The following ITSN1 variants were observed in gnomAD, a reference collection of about 807,000 sequenced individuals.
ITSN1 encodes the protein intersectin 1, also known as intersectin-1.
In ITSN1, 58 loss-of-function variants were observed where a neutral mutation model predicts 239.8. The observed-to-expected ratio is 0.24, with a 90% confidence interval of 0.20 to 0.30. The LOEUF is 0.30. Among genes scored for constraint, ITSN1 ranks in the 10% least tolerant of loss-of-function variants. The probability of loss-of-function intolerance (pLI) is 1.00; values close to 1 mark genes in which losing one functional copy is unlikely to be tolerated. For missense variants in ITSN1, 1,558 were observed against 2,103.3 expected, an observed-to-expected ratio of 0.74 and a Z score of 5.07; for synonymous variants, 780 against 770.8, an observed-to-expected ratio of 1.01 and a Z score of -0.20.
chr21:33,800,785 ATT>A (rs144141328), intron 19 of ITSN1, among the ~76,000 whole-genome samples: 9 of 142,186 alleles, frequency 6.3e-5, no homozygotes, highest in East Asian at 2.0e-4. Context: ...TACTCTTAAC[ATT>A]TTTTTTTTTT....
At chr21:33,717,657 G>A (rs1304525154) in intron 1 of ITSN1, among the ~76,000 whole-genome samples, 6 of 152,158 alleles carry the variant, frequency 3.9e-5, no homozygotes, top group African/African-American at 1.2e-4. Context: ...CTGGGTTCAC[G>A]CCATTCTCCT....
At chr21:33,759,898 G>A (rs960267926) in intron 8 of ITSN1, among the ~76,000 whole-genome samples, 4 of 152,000 alleles carry the variant, frequency 2.6e-5, no homozygotes, top group Non-Finnish European at 4.4e-5. Flanking sequence ...TCAGGAGTTC[G>A]AGACCAGCTT....
At chr21:33,680,946 A>G (rs574321172) in intron 1 of ITSN1, among the ~76,000 whole-genome samples, 1 of 152,354 alleles carries the variant, frequency 6.6e-6, no homozygotes, top group African/African-American at 2.4e-5. Flanking sequence ...TGTTGTGGTA[A>G]CAATCTCCAA....
chr21:33,712,682 C>T (rs1173099457), intron 1 of ITSN1, among the ~76,000 whole-genome samples: 2 of 152,130 alleles, frequency 1.3e-5, no homozygotes, highest in Non-Finnish European at 2.9e-5. Context: ...GACTGGGGCC[C>T]ACCTGTGGGG....
At chr21:33,842,529 T>TGTGA (rs1491256105) in intron 29 of ITSN1, among the ~76,000 whole-genome samples, 1 of 146,402 alleles carries the variant, frequency 6.8e-6, no homozygotes, top group African/African-American at 2.6e-5. Context: ...TGTGTGTGTG[T>TGTGA]GACAGGCAGT....
At chr21:33,658,275 C>T (rs1333375553) in intron 1 of ITSN1, among the ~76,000 whole-genome samples, 1 of 152,094 alleles carries the variant, frequency 6.6e-6, no homozygotes, top group East Asian at 1.9e-4. Flanking sequence ...AAGGGTTGGT[C>T]TTACTGTCTC....
At chr21:33,796,611 ATGGC>A (rs980081513) in intron 17 of ITSN1, among the ~76,000 whole-genome samples, 2 of 152,172 alleles carry the variant, frequency 1.3e-5, no homozygotes, top group African/African-American at 2.4e-5. Context: ...CCATGCATGT[ATGGC>A]TGTGTGACGT....
intron 22 of ITSN1, chr21:33,817,279 CG>C: frequency 7.7e-7 from 1 of 1,304,394 alleles, no homozygotes; most frequent in Non-Finnish European, 1.0e-6. Context: ...CATGCAGCCC[CG>C]GATTGTGCTT....
intron 20 of ITSN1, 161 bp from the exon 21 acceptor site, chr21:33,810,814 C>T (rs897331967): frequency 2.3e-6 from 2 of 853,112 alleles, no homozygotes; most frequent in Admixed American, 1.8e-5. Flanking sequence ...TTCAGCATTA[C>T]TGCTTAGACT....
At chr21:33,862,031 C>T (rs187706347) in intron 31 of ITSN1, among the ~76,000 whole-genome samples, 12 of 136,086 alleles carry the variant, frequency 8.8e-5, no homozygotes, top group South Asian at 4.9e-4. Context: ...TGCGTGGTGG[C>T]GCATGCCTGT....
intron 8 of ITSN1, among the ~76,000 whole-genome samples, chr21:33,756,481 CTT>C (rs761748205): frequency 4.6e-5 from 7 of 151,930 alleles, no homozygotes; most frequent in Non-Finnish European, 1.0e-4. Context: ...ATCCAAAACA[CTT>C]TTAAGAAATG....
chr21:33,692,770 C>G (rs2091605599), intron 1 of ITSN1, among the ~76,000 whole-genome samples: 2 of 151,740 alleles, frequency 1.3e-5, no homozygotes, highest in African/African-American at 4.8e-5. Flanking sequence ...TGTCAGTAAT[C>G]TATTTCTTTT....
chr21:33,720,975 C>T (rs567682377), intron 2 of ITSN1, among the ~76,000 whole-genome samples: 22 of 152,314 alleles, frequency 1.4e-4, no homozygotes, highest in Middle Eastern at 6.8e-3. Context: ...CCCATTCTCT[C>T]TCTTTCTGTT....
In ITSN1 at chr21:33,700,147, G is replaced by A. The variant is rs148617832; in HGVS notation, c.-32-18650G>A. On this transcript the variant is annotated intron_variant, in intron 1 of 39. Coordinates refer to ENST00000381318, the MANE Select transcript of ITSN1 (RefSeq NM_003024.3). ...TGCCCAGGCTGGAGTGCAGTGGCAC[G>A]ATCTCAGCTCACTGCAACCTAAACC... is the stretch of plus-strand genomic sequence containing the variant. Among the ~76,000 whole-genome samples, 1,286 of 151,300 alleles carry A rather than the reference G, an allele frequency of 8.5e-3. 65 individuals carry two copies. Among genetic ancestry groups the A allele is most frequent in the Admixed American group, 0.074 (1,127 of 15,174 alleles).
intron 1 of ITSN1, among the ~76,000 whole-genome samples, chr21:33,696,016 T>G (rs1041554030): frequency 6.6e-6 from 1 of 152,236 alleles, no homozygotes; most frequent in African/African-American, 2.4e-5. Flanking sequence ...GATGCTAATG[T>G]TATTGAATGG....
chr21:33,725,595 A>G (rs2065785511), intron 4 of ITSN1, among the ~76,000 whole-genome samples: 1 of 152,124 alleles, frequency 6.6e-6, no homozygotes, highest in South Asian at 2.1e-4. Context: ...CCCTGTCTCT[A>G]AAAAATAAAA....
intron 14 of ITSN1, among the ~76,000 whole-genome samples, chr21:33,776,825 T>TA (rs889829431): frequency 5.9e-5 from 9 of 152,010 alleles, no homozygotes; most frequent in Non-Finnish European, 5.9e-5. Context: ...CTTTGTCAGA[T>TA]ACGTGTTTTG....
At chr21:33,671,865 T>G (rs1309063738) in intron 1 of ITSN1, among the ~76,000 whole-genome samples, 1 of 152,206 alleles carries the variant, frequency 6.6e-6, no homozygotes, top group Non-Finnish European at 1.5e-5. Flanking sequence ...GTGTTAATAT[T>G]TTGTTGTATA....
At chr21:33,776,386 T>TA (rs577351835) in intron 14 of ITSN1, among the ~76,000 whole-genome samples, 44,853 of 126,012 alleles carry the variant, frequency 0.36, 7,603 homozygotes, top group East Asian at 0.56. Flanking sequence ...ACCCCATCTC[T>TA]AAAAAAAAAA....
Sources: allele counts gnomAD v4.1 joint callset (sites outside exome capture counted in the v4.1 genomes callset), GRCh38; gene constraint gnomAD v4.1.1; transcripts MANE v1.5; gene names NCBI Gene and HGNC (gene_info 2026-07-23, HGNC 2026-07-21).